FAM193A: variants seen among roughly 807,000 people sequenced by gnomAD.
FAM193A encodes the protein family with sequence similarity 193 member A, also known as protein FAM193A.
In FAM193A, 22 loss-of-function variants were observed where a neutral mutation model predicts 126.5. That is an observed-to-expected ratio of 0.17 (90% CI 0.12 to 0.25). FAM193A has a LOEUF of 0.25. FAM193A is among the 10% of genes least tolerant of loss of function. FAM193A has a pLI of 1.00. For missense variants in FAM193A, 1,675 were observed against 1,672.8 expected, an observed-to-expected ratio of 1.00 and a Z score of -0.02; for synonymous variants, 761 against 646.8, an observed-to-expected ratio of 1.18 and a Z score of -2.68.
chr4:2,572,616 G>A (rs1739357731), intron 1 of FAM193A, among the ~76,000 whole-genome samples: 1 of 152,062 alleles, frequency 6.6e-6, no homozygotes, highest in South Asian at 2.1e-4. Flanking sequence ...CTGTGCCACA[G>A]CCTGGTGTGG....
chr4:2,556,362 A>C (rs1738261039), intron 1 of FAM193A, among the ~76,000 whole-genome samples: 1 of 151,510 alleles, frequency 6.6e-6, no homozygotes, highest in Admixed American at 6.6e-5. Flanking sequence ...CGCACCACCA[A>C]ACCTGGCTAA....
chr4:2,593,168 A>T (rs1740665058), intron 1 of FAM193A, among the ~76,000 whole-genome samples: 1 of 152,006 alleles, frequency 6.6e-6, no homozygotes, highest in Non-Finnish European at 1.5e-5. Flanking sequence ...TCCTCCTCTC[A>T]CACCTCACAG....
chr4:2,553,092 C>G (rs983607609), intron 1 of FAM193A, among the ~76,000 whole-genome samples: 8 of 152,080 alleles, frequency 5.3e-5, no homozygotes, highest in Admixed American at 5.2e-4. Context: ...AAGTGATCCA[C>G]CGGCCTCGGT....
intron 19 of FAM193A, among the ~76,000 whole-genome samples, chr4:2,714,454 A>G (rs898614513): frequency 2.7e-5 from 4 of 149,516 alleles, no homozygotes; most frequent in African/African-American, 7.4e-5. Context: ...AGATTACCAA[A>G]GGTTGACTTT....
At chr4:2,725,365 G>A (rs954006382) in intron 20 of FAM193A, among the ~76,000 whole-genome samples, 4 of 147,088 alleles carry the variant, frequency 2.7e-5, no homozygotes, top group African/African-American at 5.1e-5. Flanking sequence ...GGGGAGGGTC[G>A]CTTGAGCCCA....
intron 1 of FAM193A, among the ~76,000 whole-genome samples, chr4:2,581,556 T>C (rs1739943554): frequency 6.6e-6 from 1 of 152,028 alleles, no homozygotes; most frequent in African/African-American, 2.4e-5. Flanking sequence ...GCCCAGCTTC[T>C]GAAATACTTC....
chr4:2,663,579 G>T lies in FAM193A; in HGVS notation c.2079+291G>T, dbSNP rs577491436. Among the ~76,000 whole-genome samples the T allele has an allele frequency of 2.6e-5, 4 of 152,274 alleles. No homozygotes were observed. The South Asian group carries it at 8.3e-4, about 32-fold the overall frequency. ...GTGGAATATTAAAATTTCAGGAAAG[G>T]TTTGTTTTTCCTGTTCATTATCTGT... On this transcript the variant is annotated intron_variant, in intron 12 of 20. Transcript: ENST00000637812.
rs1407908567 is a variant in FAM193A at position 2,611,164 on chromosome 4, T to A, written c.502-14098T>A. ...CCACGTATGAGAGGTCCAGTTGATCTTTATCTTTGCCAAGTGCTGGATATT... is the reference window on the plus strand; with the variant it reads ...CCACGTATGAGAGGTCCAGTTGATCATTATCTTTGCCAAGTGCTGGATATT... On this transcript the variant is annotated intron_variant, in intron 2 of 20. Coordinates refer to ENST00000637812, the MANE Select transcript of FAM193A (RefSeq NM_001366318.2). Among the ~76,000 whole-genome samples the A allele has an allele frequency of 2.0e-5, 3 of 152,226 alleles. No homozygotes were observed. In the South Asian group the frequency reaches 6.2e-4, roughly 31 times the overall value.
chr4:2,553,687 T>G (rs561129222), intron 1 of FAM193A, among the ~76,000 whole-genome samples: 3 of 152,224 alleles, frequency 2.0e-5, no homozygotes, highest in African/African-American at 7.2e-5. Context: ...TACAGTTTAT[T>G]TAGAAGTTGG....
At chr4:2,667,021 CAA>C (rs1039648539) in intron 12 of FAM193A, among the ~76,000 whole-genome samples, 1 of 152,186 alleles carries the variant, frequency 6.6e-6, no homozygotes, top group Non-Finnish European at 1.5e-5. Flanking sequence ...TTTGTTGAAA[CAA>C]AAGCTTAGAT....
chr4:2,693,677 A>G lies in FAM193A; in HGVS notation c.2895A>G (p.Pro965=), dbSNP rs1404506637. Residue 965 remains proline, a synonymous_variant, in exon 16 of 21, where the codon CCA becomes CCG. Transcript: ENST00000637812. ...RNSPTGLAPL[P]ALSPAALSPA... Reference sequence around the variant, plus strand: ...GCCCCACGGGCTTGGCCCCCCTCCCAGCGCTCTCGCCTGCTGCGCTGTCAC... The same window carrying G: ...GCCCCACGGGCTTGGCCCCCCTCCCGGCGCTCTCGCCTGCTGCGCTGTCAC... The G allele has an allele frequency of 4.3e-6, 7 of 1,614,028 alleles. No individual in the cohort carries two copies. The South Asian group carries it at 4.4e-5, about 10-fold the overall frequency.
intron 19 of FAM193A, among the ~76,000 whole-genome samples, chr4:2,712,754 GT>G (rs1719115907): frequency 6.6e-6 from 1 of 151,698 alleles, no homozygotes; most frequent in Admixed American, 6.6e-5. Flanking sequence ...TTACTGTTTT[GT>G]TTTTTGGGTT....
At chr4:2,580,150 C>G (rs1009434633) in intron 1 of FAM193A, among the ~76,000 whole-genome samples, 3 of 152,098 alleles carry the variant, frequency 2.0e-5, no homozygotes, top group African/African-American at 7.2e-5. Flanking sequence ...AGCTAGAGGC[C>G]ATTATCCTTA....
At chr4:2,696,922 A>G (rs1451741655) in intron 18 of FAM193A, among the ~76,000 whole-genome samples, 2 of 152,110 alleles carry the variant, frequency 1.3e-5, no homozygotes, top group African/African-American at 4.8e-5. Flanking sequence ...CGTCAACTGT[A>G]GAGATGATAG....
chr4:2,604,791 CTTTTTTTTTTT>C (rs869148370), intron 2 of FAM193A, among the ~76,000 whole-genome samples: 13 of 99,640 alleles, frequency 1.3e-4, no homozygotes, highest in African/African-American at 4.8e-4. Context: ...TTTCTTTTTC[CTTTTTTTTTTT>C]TTTTTTTTTT....
Position 2,704,155 on chromosome 4 carries a change from C to CG in FAM193A, c.4372+3614dup, listed in dbSNP as rs1226616476. On this transcript the variant is annotated intron_variant, in intron 19 of 20. Transcript: ENST00000637812. Reference sequence around the variant, plus strand: ...GCACACGCCTATAATCCCAGCTACTCGGGAGGTTGAGGCAGGATAATTGCT... The same window carrying CG: ...GCACACGCCTATAATCCCAGCTACTCGGGGAGGTTGAGGCAGGATAATTGCT... 5.4e-5 allele frequency among the ~76,000 whole-genome samples: 8 copies of CG among 149,026 alleles called. No homozygotes were observed. The East Asian group carries it at 1.4e-3, about 26-fold the overall frequency.
intron 15 of FAM193A, among the ~76,000 whole-genome samples, chr4:2,692,346 C>T (rs1040608362): frequency 1.3e-5 from 2 of 152,184 alleles, no homozygotes; most frequent in African/African-American, 4.8e-5. Context: ...CATCCCCACG[C>T]TTCAGTTGTT....
Position 2,656,531 on chromosome 4 carries a change from G to A in FAM193A, c.1312-1272G>A, listed in dbSNP as rs1487302002. 4.6e-5 allele frequency among the ~76,000 whole-genome samples: 7 copies of A among 152,186 alleles called. 1 individual carries two copies. Among genetic ancestry groups the A allele is most frequent in the East Asian group, 1.9e-4 (1 of 5,190 alleles). On this transcript the variant is annotated intron_variant, in intron 7 of 20. Transcript: ENST00000637812. ...CAGCGTTCCTGTGGTGCTCATGGCCGTCACCACCCTCACCTTGAAAGTGCC... is the reference window on the plus strand; with the variant it reads ...CAGCGTTCCTGTGGTGCTCATGGCCATCACCACCCTCACCTTGAAAGTGCC...
intron 2 of FAM193A, among the ~76,000 whole-genome samples, chr4:2,613,455 G>GT (rs1406545586): frequency 1.0e-4 from 15 of 146,440 alleles, no homozygotes; most frequent in Non-Finnish European, 4.5e-5. Context: ...CTTTTGGTAG[G>GT]TTTCTTTTTT....
Sources: gnomAD v4.1 joint callset for allele counts (sites outside exome capture counted in the v4.1 genomes callset) on GRCh38, gnomAD v4.1.1 for gene constraint, MANE v1.5 for transcripts, NCBI Gene and HGNC (gene_info 2026-07-23, HGNC 2026-07-21) for gene names.